The following VTCN1 variants were observed in gnomAD, a reference collection of about 807,000 sequenced individuals.
The protein encoded by VTCN1 is V-set domain containing T cell activation inhibitor 1.
Under a neutral mutation model 26.5 loss-of-function variants are expected in VTCN1, and 26 were observed. The observed-to-expected ratio is 0.98, with a 90% CI of 0.72 to 1.36. The LOEUF is 1.36. VTCN1 is among the 40% of genes most tolerant of loss of function. VTCN1 has a pLI of 0.00. For missense variants in VTCN1, 298 were observed against 337.7 expected (o/e 0.88, Z 0.92); for synonymous variants, 116 against 130.7 (o/e 0.89, Z 0.77).
intron 4 of VTCN1, among the ~76,000 whole-genome samples, chr1:117,149,615 T>C (rs1257193043): frequency 6.6e-6 from 1 of 152,176 alleles, no homozygotes; most frequent in Non-Finnish European, 1.5e-5. Flanking sequence ...TCAGTCATAA[T>C]TAACAACTCT....
intron 2 of VTCN1, among the ~76,000 whole-genome samples, chr1:117,162,466 CAG>C (rs1426374059): frequency 6.6e-6 from 1 of 151,934 alleles, no homozygotes; most frequent in Non-Finnish European, 1.5e-5. Flanking sequence ...TTTTTGGAGA[CAG>C]AGACTCACTC....
chr1:117,186,630 A>T (rs1647957543), intron 1 of VTCN1, among the ~76,000 whole-genome samples: 1 of 152,226 alleles, frequency 6.6e-6, no homozygotes, highest in South Asian at 2.1e-4. Flanking sequence ...ATGAGAGGGT[A>T]GGTATAATGG....
chr1:117,160,346 C>T (rs548394806), intron 2 of VTCN1, among the ~76,000 whole-genome samples: 40 of 152,212 alleles, frequency 2.6e-4, no homozygotes, highest in Non-Finnish European at 4.1e-4. Flanking sequence ...GGGTCCTGAG[C>T]ACTTCCTAAC....
chr1:117,181,814 A>C (rs1364755824), intron 1 of VTCN1, among the ~76,000 whole-genome samples: 1 of 152,150 alleles, frequency 6.6e-6, no homozygotes, highest in Non-Finnish European at 1.5e-5. Context: ...CAGCGAGGTC[A>C]TCAGTCAGTG....
At chr1:117,158,670 A>G (rs1449066038) in intron 2 of VTCN1, among the ~76,000 whole-genome samples, 1 of 152,178 alleles carries the variant, frequency 6.6e-6, no homozygotes, top group Non-Finnish European at 1.5e-5. Flanking sequence ...TACTTATGCA[A>G]ATTTCTGCAG....
intron 1 of VTCN1, chr1:117,173,176 G>C (rs1359233942): frequency 7.0e-6 from 5 of 716,556 alleles, no homozygotes; most frequent in Non-Finnish European, 1.3e-5. Context: ...TTTAAGAGCT[G>C]TAACACTCAC....
Position 117,174,212 on chromosome 1 carries a change from T to C in VTCN1, c.33-4041A>G, listed in dbSNP as rs981970459. Among the ~76,000 whole-genome samples, 16 of 152,216 alleles carry C rather than the reference T, an allele frequency of 1.1e-4. No homozygotes were observed. In the South Asian group the frequency reaches 3.3e-3, roughly 31 times the overall value. Reference sequence around the variant, plus strand: ...AAAACTATGTCTTCTAACCACTGCATTGGGATTCACAGTGTACTTTTGGTA... The same window carrying C: ...AAAACTATGTCTTCTAACCACTGCACTGGGATTCACAGTGTACTTTTGGTA... On this transcript the variant is annotated intron_variant, in intron 1 of 5. Coordinates refer to ENST00000369458, the MANE Select transcript of VTCN1 (RefSeq NM_024626.4).
At position 117,161,283 on chromosome 1, in the gene VTCN1, C is replaced by T. The variant is rs571582781; in HGVS notation, c.98-4362G>A. Among the ~76,000 whole-genome samples, 24 of 152,364 alleles carry T rather than the reference C, an allele frequency of 1.6e-4. No individual in the cohort carries two copies. Among genetic ancestry groups the T allele is most frequent in the African/African-American group, 5.8e-4 (24 of 41,584 alleles). On this transcript the variant is annotated intron_variant, in intron 2 of 5. Transcript: ENST00000369458. This position sits in a 1 kb window ranked among gnomAD's most constrained non-coding sequence, Gnocchi z 4.3. ...CACAATTACACTATGCGCCTTCACA[C>T]TGCTGTTCATCTTGTACCTATTAAT...
At chr1:117,162,726 G>A (rs972010095) in intron 2 of VTCN1, among the ~76,000 whole-genome samples, 2 of 152,198 alleles carry the variant, frequency 1.3e-5, no homozygotes, top group Non-Finnish European at 2.9e-5. Flanking sequence ...GGAAAGTGGG[G>A]CTGTTAAAGC....
chr1:117,183,477 TA>T lies in VTCN1; in HGVS notation c.33-13307del, dbSNP rs1419780288. Among the ~76,000 whole-genome samples, 2 of 152,234 alleles carry T rather than the reference TA, an allele frequency of 1.3e-5. No homozygotes were observed. The highest frequency in any genetic ancestry group is 3.8e-4 in the East Asian group (2 of 5,202). On this transcript the variant is annotated intron_variant, in intron 1 of 5. Coordinates refer to ENST00000369458, the MANE Select transcript of VTCN1 (RefSeq NM_024626.4). This position sits in a 1 kb window ranked among gnomAD's most constrained non-coding sequence, Gnocchi z 4.1. The stretch of plus-strand genomic sequence containing the variant: ...TTATCTTTCTCTTTAAACAGTCTTT[TA>T]AAAAATTGTGGTATCAGAAATCTTG...
chr1:117,171,997 G>A (rs146383944), intron 1 of VTCN1, among the ~76,000 whole-genome samples: 16 of 152,246 alleles, frequency 1.1e-4, no homozygotes, highest in African/African-American at 3.6e-4. Context: ...GAAGGCATAG[G>A]TCAAAGTGGT....
At chr1:117,202,447 G>T (rs1221340339) in intron 1 of VTCN1, among the ~76,000 whole-genome samples, 3 of 152,168 alleles carry the variant, frequency 2.0e-5, no homozygotes, top group Non-Finnish European at 2.9e-5. Context: ...GAGGACATCT[G>T]TGTTGAATGC....
intron 1 of VTCN1, chr1:117,172,409 C>T (rs764168438): frequency 5.8e-6 from 3 of 518,702 alleles, no homozygotes; most frequent in Non-Finnish European, 1.2e-5. Flanking sequence ...TTTTCCCACA[C>T]CTCAGTGTAG....
chr1:117,182,513 G>C (rs1261147666), intron 1 of VTCN1, among the ~76,000 whole-genome samples: 6 of 152,172 alleles, frequency 3.9e-5, no homozygotes, highest in African/African-American at 1.4e-4. Flanking sequence ...CCCTGCGGCT[G>C]CTCTGGTACC....
rs899121859 is a variant in VTCN1 at position 117,183,725 on chromosome 1, A to G, written c.33-13554T>C. 6.6e-6 allele frequency among the ~76,000 whole-genome samples: 1 copy of G among 152,210 alleles called. No homozygotes were observed. The highest frequency in any genetic ancestry group is 2.4e-5 in the African/African-American group (1 of 41,450). Reference sequence around the variant, plus strand: ...GGGAATGAAGAGTTAAATTTCCAGAATAGTGCATACTAAATAGCCTTTAAA... The same window carrying G: ...GGGAATGAAGAGTTAAATTTCCAGAGTAGTGCATACTAAATAGCCTTTAAA... On this transcript the variant is annotated intron_variant, in intron 1 of 5. Transcript: ENST00000369458. This position sits in a 1 kb window ranked among gnomAD's most constrained non-coding sequence, Gnocchi z 4.1.
chr1:117,152,972 T>C, intron 4 of VTCN1, 119 bp downstream of exon 4: 1 of 1,172,388 alleles, frequency 8.5e-7, no homozygotes, highest in South Asian at 1.6e-5. Context: ...ATCAAATTCT[T>C]AGTGAAGAGG....
rs1570932939 is a variant in VTCN1, at chr1:117,146,712, T to A, written c.*45+901A>T. On this transcript the variant is annotated intron_variant, in intron 5 of 5. Coordinates refer to ENST00000369458, the MANE Select transcript of VTCN1 (RefSeq NM_024626.4). The surrounding 1 kb of genome is among the most constrained non-coding windows in gnomAD (Gnocchi z 4.2). ...GTGGTAGGTAGTAATGGTGGGTAGG[T>A]ATGCTTCTGTGACTTTGACTTCGAT... Among the ~76,000 whole-genome samples the A allele has an allele frequency of 6.6e-6, 1 of 152,242 alleles. No homozygotes were observed. The highest frequency in any genetic ancestry group is 2.1e-4 in the South Asian group (1 of 4,810).
At chr1:117,209,312 C>A (rs1318590200) in intron 1 of VTCN1, among the ~76,000 whole-genome samples, 2 of 152,188 alleles carry the variant, frequency 1.3e-5, no homozygotes, top group Non-Finnish European at 2.9e-5. Context: ...CATCTGACCT[C>A]TGAACAATGG....
Position 117,170,151 on chromosome 1 carries a change from A to G in VTCN1, c.53T>C (p.Ile18Thr). ...GATGAGTGCAATTGCTCCAGCCAGA[A>G]TAATGATGATGCTAATTATGCTACG... ...LFWSIISIII[I>T]LAGAIALIIG... Residue 18 changes from isoleucine (I) to threonine (T), a missense_variant, in exon 2 of 6, where the codon ATT becomes ACT. Ile to Thr is a moderately conservative substitution (Grantham distance 89). Transcript: ENST00000369458. The G allele has an allele frequency of 6.2e-7, 1 of 1,614,004 alleles. No homozygotes were observed. Among genetic ancestry groups the G allele is most frequent in the Non-Finnish European group, 8.5e-7 (1 of 1,179,954 alleles).
Sources: gnomAD v4.1 joint callset for allele counts (sites outside exome capture counted in the v4.1 genomes callset) on GRCh38, gnomAD v4.1.1 for gene constraint, Gnocchi (gnomAD v3.1) non-coding constraint, MANE v1.5 for transcripts, NCBI Gene and HGNC (gene_info 2026-07-23, HGNC 2026-07-21) for gene names.